Variants in KCNIP4 observed in about 807,000 individuals in gnomAD.
KCNIP4 encodes the protein Kv channel-interacting protein 4.
A neutral mutation model predicts 34.0 loss-of-function variants in KCNIP4; 12 were observed. That is an observed-to-expected ratio of 0.35 (90% CI 0.23 to 0.57). KCNIP4 has a LOEUF of 0.57. Ranked by LOEUF, KCNIP4 falls within the 20% of genes least tolerant of loss-of-function variation. KCNIP4 has a pLI of 0.83. For synonymous variants in KCNIP4, 124 were observed against 102.2 expected (o/e 1.21, Z -1.29); for missense variants, 238 against 311.7 (o/e 0.76, Z 1.78).
intron 1 of KCNIP4, among the ~76,000 whole-genome samples, chr4:21,809,847 G>C (rs1199669153): frequency 6.6e-6 from 1 of 152,106 alleles, no homozygotes; most frequent in African/African-American, 2.4e-5. Flanking sequence ...ACTTATATTA[G>C]CCTTTTACGA....
At chr4:21,725,687 T>A (rs1255476406) in intron 1 of KCNIP4, among the ~76,000 whole-genome samples, 1 of 152,136 alleles carries the variant, frequency 6.6e-6, no homozygotes, top group East Asian at 1.9e-4. Flanking sequence ...CCAAAACAAC[T>A]TTGTTTGGCA....
chr4:21,636,863 G>A (rs1945783833), intron 1 of KCNIP4, among the ~76,000 whole-genome samples: 1 of 152,226 alleles, frequency 6.6e-6, no homozygotes. Context: ...CGACAGAATT[G>A]TGAATCCACG....
At position 21,252,552 on chromosome 4, in the gene KCNIP4, G is replaced by A. The variant is rs768293742; in HGVS notation, c.62-369843C>T. Among the ~76,000 whole-genome samples, 17 of 151,984 alleles carry A rather than the reference G, an allele frequency of 1.1e-4. 1 individual carries two copies. The highest frequency in any genetic ancestry group is 2.9e-5 in the Non-Finnish European group (2 of 67,998). ...ACCATTCCACACCATCACCTAAGCA[G>A]GGCAGCACACGAAGACCTGATGTAA... On this transcript the variant is annotated intron_variant, in intron 1 of 8. Coordinates refer to ENST00000382152, the MANE Select transcript of KCNIP4 (RefSeq NM_025221.6).
intron 2 of KCNIP4, among the ~76,000 whole-genome samples, chr4:20,881,062 T>G (rs562272466): frequency 3.3e-5 from 5 of 152,326 alleles, no homozygotes; most frequent in East Asian, 3.9e-4. Flanking sequence ...TTTTGTTTTG[T>G]TTTGGTTTGG....
At chr4:20,823,785 T>C (rs1717395961) in intron 3 of KCNIP4, among the ~76,000 whole-genome samples, 1 of 152,182 alleles carries the variant, frequency 6.6e-6, no homozygotes, top group Admixed American at 6.5e-5. Flanking sequence ...ATCACTTTGA[T>C]GGAGTGTAGT....
chr4:21,391,377 G>A (rs1722544970), intron 1 of KCNIP4, among the ~76,000 whole-genome samples: 1 of 152,234 alleles, frequency 6.6e-6, no homozygotes, highest in South Asian at 2.1e-4. Context: ...TAGGACTAAT[G>A]TTCAGCTAAC....
At chr4:21,506,183 A>T (rs1246537699) in intron 1 of KCNIP4, among the ~76,000 whole-genome samples, 1 of 152,196 alleles carries the variant, frequency 6.6e-6, no homozygotes, top group Non-Finnish European at 1.5e-5. Context: ...TCCTACAGCC[A>T]GTTGATTTTT....
intron 1 of KCNIP4, among the ~76,000 whole-genome samples, chr4:20,898,147 C>G (rs931318857): frequency 1.3e-5 from 2 of 152,120 alleles, no homozygotes. Context: ...GGTTCTCAGG[C>G]CTTTGGACTC....
intron 1 of KCNIP4, among the ~76,000 whole-genome samples, chr4:21,255,335 T>G (rs1295471138): frequency 6.6e-6 from 1 of 152,188 alleles, no homozygotes; most frequent in Non-Finnish European, 1.5e-5. Flanking sequence ...GTGTTGCTTC[T>G]TCTTTCTTAA....
chr4:21,557,131 C>T (rs992639928), intron 1 of KCNIP4, among the ~76,000 whole-genome samples: 9 of 151,904 alleles, frequency 5.9e-5, no homozygotes, highest in African/African-American at 1.7e-4. Context: ...AAATGTGTTT[C>T]GTCATGTGAC....
intron 1 of KCNIP4, among the ~76,000 whole-genome samples, chr4:21,833,365 GT>G (rs1437685239): frequency 6.6e-6 from 1 of 152,108 alleles, no homozygotes; most frequent in African/African-American, 2.4e-5. Context: ...TTTTTCATGT[GT>G]TTTTTGGCTG....
chr4:21,185,279 C>T (rs944573538), intron 1 of KCNIP4, among the ~76,000 whole-genome samples: 2 of 150,130 alleles, frequency 1.3e-5, no homozygotes, highest in African/African-American at 2.5e-5. Context: ...TTCAGGTCTC[C>T]AGAGAAAGCC....
chr4:21,860,082 AT>A (rs1007868245), intron 1 of KCNIP4, among the ~76,000 whole-genome samples: 7 of 152,110 alleles, frequency 4.6e-5, no homozygotes, highest in Non-Finnish European at 1.0e-4. Flanking sequence ...ACCAAACATA[AT>A]TTTTAAATGC....
At chr4:21,906,809 A>G (rs934883191) in intron 1 of KCNIP4, among the ~76,000 whole-genome samples, 1 of 152,190 alleles carries the variant, frequency 6.6e-6, no homozygotes, top group East Asian at 1.9e-4. Context: ...GCCTGTGTAC[A>G]TCTTTTTACA....
intron 1 of KCNIP4, among the ~76,000 whole-genome samples, chr4:21,328,759 C>A (rs1715336801): frequency 1.3e-5 from 2 of 152,218 alleles, no homozygotes. Flanking sequence ...ACCTGGTGTT[C>A]TATTCTACTG....
intron 1 of KCNIP4, among the ~76,000 whole-genome samples, chr4:21,465,043 C>T (rs1729792973): frequency 6.6e-6 from 1 of 152,050 alleles, no homozygotes; most frequent in South Asian, 2.1e-4. Context: ...TGGGGGATTA[C>T]TGGCACAGGT....
At chr4:20,807,024 G>T (rs1422738296) in intron 3 of KCNIP4, among the ~76,000 whole-genome samples, 1 of 152,054 alleles carries the variant, frequency 6.6e-6, no homozygotes, top group Admixed American at 6.6e-5. Context: ...TGAGAATTCT[G>T]CTCCATATGG....
At chr4:21,461,100 G>T (rs73105855) in intron 1 of KCNIP4, among the ~76,000 whole-genome samples, 5,104 of 152,128 alleles carry the variant, frequency 0.034, 113 homozygotes, top group East Asian at 0.038. Context: ...GGGGCCTGCT[G>T]GGAGGTGAAT....
intron 1 of KCNIP4, among the ~76,000 whole-genome samples, chr4:21,077,032 G>C (rs1449911457): frequency 2.0e-5 from 3 of 152,256 alleles, no homozygotes; most frequent in Non-Finnish European, 4.4e-5. Context: ...GGCTGAGACA[G>C]GGGAATTTCT....
Sources: gnomAD v4.1 joint callset for allele counts (sites outside exome capture counted in the v4.1 genomes callset) on GRCh38, gnomAD v4.1.1 for gene constraint, MANE v1.5 for transcripts, NCBI Gene and HGNC (gene_info 2026-07-23, HGNC 2026-07-21) for gene names.